Variants in PLOD2 observed in about 807,000 individuals in gnomAD.
PLOD2 encodes lysine hydroxylase 2.
In PLOD2, 65 loss-of-function variants were observed where a neutral mutation model predicts 101.0. The ratio of observed to expected loss-of-function variants is 0.64; its 90% confidence interval spans 0.53 to 0.79. PLOD2 has a LOEUF of 0.79. Among genes scored for constraint, PLOD2 ranks in the 30% least tolerant of loss-of-function variants. The pLI is 0.00. For missense variants in PLOD2, 909 were observed against 914.6 expected, an observed-to-expected ratio of 0.99 and a Z score of 0.08; for synonymous variants, 314 against 302.9, an observed-to-expected ratio of 1.04 and a Z score of -0.38.
At chr3:146,085,426 T>C (rs1354688068) in intron 10 of PLOD2, 153 bp from the exon 11 acceptor site, 4 of 615,256 alleles carry the variant, frequency 6.5e-6, no homozygotes, top group South Asian at 4.2e-5. Flanking sequence ...ACGATATATA[T>C]ATTGTCTTAA....
rs1048218030 is a variant in PLOD2, at chr3:146,076,180, A to G, written c.1677+602T>C. The G allele has an allele frequency of 5.9e-5, 9 of 151,954 alleles. No individual in the cohort carries two copies. In the East Asian group the frequency reaches 9.7e-4, roughly 16 times the overall value. 9.4% of individuals were successfully genotyped at this position (151,954 alleles called of 1,614,324 possible). On this transcript the variant is annotated intron_variant, in intron 15 of 19. Transcript: ENST00000282903. ...AGTACCCAATGTTTAGCTCCCACTC[A>G]TAAGTGAGAACATGCAGTATTTGGT...
At chr3:146,099,560 C>CT (rs998391473) in intron 7 of PLOD2, among the ~76,000 whole-genome samples, 336 of 149,230 alleles carry the variant, frequency 2.3e-3, no homozygotes, top group Middle Eastern at 3.4e-3. Flanking sequence ...AATTTTTTTT[C>CT]TTTTTTTTTT....
chr3:146,079,014 C>T (rs1559835333), intron 13 of PLOD2, 102 bp downstream of exon 13: 4 of 1,254,788 alleles, frequency 3.2e-6, no homozygotes, highest in Non-Finnish European at 4.7e-6. Flanking sequence ...CTAGTACTTA[C>T]AAATTAGCAA....
intron 7 of PLOD2, among the ~76,000 whole-genome samples, chr3:146,097,795 T>TTAAA (rs1553733424): frequency 7.9e-6 from 1 of 127,096 alleles, no homozygotes; most frequent in East Asian, 2.4e-4. Flanking sequence ...GAATGATCAA[T>TTAAA]AAAAAAAAAA....
intron 13 of PLOD2, among the ~76,000 whole-genome samples, 153 bp downstream of exon 13, chr3:146,078,963 A>C (rs1936433860): frequency 6.6e-6 from 1 of 151,874 alleles, no homozygotes; most frequent in South Asian, 2.1e-4. Flanking sequence ...TTATCTCCAA[A>C]ATTACTCCCA....
intron 11 of PLOD2, among the ~76,000 whole-genome samples, chr3:146,083,731 G>A (rs112769557): frequency 0.26 from 39,573 of 151,424 alleles, 5,234 homozygotes; most frequent in East Asian, 0.27. Context: ...ACAGGTGCCC[G>A]CTACCACGCC....
intron 6 of PLOD2, among the ~76,000 whole-genome samples, chr3:146,103,251 T>C (rs2108055038): frequency 6.6e-6 from 1 of 152,288 alleles, no homozygotes; most frequent in East Asian, 1.9e-4. Flanking sequence ...TTTAGGGTTA[T>C]TATGAAGATA....
At chr3:146,083,573 TTTTC>T (rs1265520763) in intron 11 of PLOD2, among the ~76,000 whole-genome samples, 1 of 48,548 alleles carries the variant, frequency 2.1e-5, no homozygotes, top group Non-Finnish European at 4.6e-5. Flanking sequence ...AGGTAAGTCT[TTTTC>T]TTTTTTTTTT....
intron 7 of PLOD2, among the ~76,000 whole-genome samples, chr3:146,100,554 G>C (rs1937350263): frequency 6.6e-6 from 1 of 152,194 alleles, no homozygotes; most frequent in Non-Finnish European, 1.5e-5. Context: ...TAGAGATGCA[G>C]CAGGTGGGAA....
intron 1 of PLOD2, among the ~76,000 whole-genome samples, chr3:146,133,751 TTCAA>T (rs2031065958): frequency 6.6e-6 from 1 of 150,546 alleles, no homozygotes; most frequent in African/African-American, 2.4e-5. Flanking sequence ...GGGGAGGAGG[TTCAA>T]TCAGAGTAAA....
At chr3:146,144,922 A>G (rs2031704479) in intron 1 of PLOD2, among the ~76,000 whole-genome samples, 1 of 152,064 alleles carries the variant, frequency 6.6e-6, no homozygotes. Context: ...GACAAATTTA[A>G]ATTTATTCTT....
At chr3:146,083,589 T>C (rs1339557956) in intron 11 of PLOD2, among the ~76,000 whole-genome samples, 1 of 148,272 alleles carries the variant, frequency 6.7e-6, no homozygotes, top group Non-Finnish European at 1.5e-5. Flanking sequence ...TTTTTTTTTT[T>C]TTTTTTTTTT....
chr3:146,083,585 T>C (rs59783164), intron 11 of PLOD2, among the ~76,000 whole-genome samples: 55 of 95,192 alleles, frequency 5.8e-4, no homozygotes, highest in East Asian at 1.0e-3. Flanking sequence ...TTCTTTTTTT[T>C]TTTTTTTTTT....
chr3:146,094,001 C>T (rs1937064461), intron 7 of PLOD2, among the ~76,000 whole-genome samples: 1 of 152,136 alleles, frequency 6.6e-6, no homozygotes, highest in Non-Finnish European at 1.5e-5. Flanking sequence ...AGGTTATCCA[C>T]CATCACCACC....
intron 3 of PLOD2, among the ~76,000 whole-genome samples, chr3:146,116,343 A>G (rs557372713): frequency 1.3e-3 from 194 of 145,400 alleles, no homozygotes; most frequent in Middle Eastern, 7.0e-3. Flanking sequence ...TAAAATCACA[A>G]TAAAATGATT....
chr3:146,136,834 A>G (rs1398502154), intron 1 of PLOD2, among the ~76,000 whole-genome samples: 2 of 152,222 alleles, frequency 1.3e-5, no homozygotes, highest in African/African-American at 4.8e-5. Context: ...TACACCATCT[A>G]GGTTTACATA....
chr3:146,147,484 A>G, intron 1 of PLOD2, among the ~76,000 whole-genome samples: 1 of 152,090 alleles, frequency 6.6e-6, no homozygotes, highest in Non-Finnish European at 1.5e-5. Context: ...GAGTTTCCCA[A>G]CTTCAGCACT....
At chr3:146,137,779 C>T (rs560759084) in intron 1 of PLOD2, among the ~76,000 whole-genome samples, 11 of 152,040 alleles carry the variant, frequency 7.2e-5, no homozygotes, top group African/African-American at 1.7e-4. Context: ...ATGCGGATGA[C>T]GCTCAACAGG....
intron 13 of PLOD2, among the ~76,000 whole-genome samples, chr3:146,078,511 A>G (rs1450404526): frequency 6.6e-6 from 1 of 151,892 alleles, no homozygotes; most frequent in Admixed American, 6.6e-5. Context: ...ATGCATTTTG[A>G]AAAATTATTT....
Sources: gnomAD v4.1 joint callset for allele counts (sites outside exome capture counted in the v4.1 genomes callset) on GRCh38, gnomAD v4.1.1 for gene constraint, MANE v1.5 for transcripts, NCBI Gene and HGNC (gene_info 2026-07-23, HGNC 2026-07-21) for gene names.